CLDN20: variants seen among roughly 807,000 people sequenced by gnomAD.
CLDN20 encodes claudin 20.
For missense variants in CLDN20, 258 were observed against 267.9 expected (o/e 0.96, Z 0.26); for synonymous variants, 104 against 103.6 (o/e 1.00, Z -0.03).
intron 1 of CLDN20, among the ~76,000 whole-genome samples, chr6:155,270,042 A>T (rs1784851030): frequency 6.6e-6 from 1 of 152,228 alleles, no homozygotes. Flanking sequence ...TCAGAGGTGG[A>T]AGGTTCTTGT....
Position 155,275,924 on chromosome 6 carries a change from T to G in CLDN20, c.205T>G (p.Ser69Ala). The change falls in exon 2 of 2, where the codon TCC (serine) becomes GCC (alanine). Residue 69 changes from serine to alanine, a missense_variant. By Grantham distance (99) the Ser-to-Ala change is moderately conservative. Transcript: ENST00000367165. ...TGMFSCALKH[S>A]ILSLPIHVQA... ...GATGTTCAGCTGTGCCCTGAAACACTCCATTCTGTCCCTCCCCATCCACGT... is the reference window on the plus strand; with the variant it reads ...GATGTTCAGCTGTGCCCTGAAACACGCCATTCTGTCCCTCCCCATCCACGT... The G allele has an allele frequency of 6.2e-7, 1 of 1,614,032 alleles. No individual in the cohort carries two copies. The highest frequency in any genetic ancestry group is 8.5e-7 in the Non-Finnish European group (1 of 1,180,000).
intron 1 of CLDN20, among the ~76,000 whole-genome samples, chr6:155,268,922 G>A (rs1380264681): frequency 8.4e-6 from 1 of 119,592 alleles, no homozygotes; most frequent in African/African-American, 3.2e-5. Context: ...CCCCCTCTGC[G>A]AGAAACACCC....
chr6:155,266,499 CA>C (rs1247689913), intron 1 of CLDN20, among the ~76,000 whole-genome samples: 3 of 152,096 alleles, frequency 2.0e-5, no homozygotes, highest in Non-Finnish European at 2.9e-5. Flanking sequence ...TACAGCTCAC[CA>C]GGGGGGATGA....
Position 155,276,458 on chromosome 6 carries a change from C to T in CLDN20, c.*79C>T. 1.6e-6 allele frequency: 2 copies of T among 1,266,498 alleles called. No individual in the cohort carries two copies. Among genetic ancestry groups the T allele is most frequent in the Non-Finnish European group, 2.2e-6 (2 of 916,300 alleles). The allele number at this position is 1,266,498 out of a possible 1,614,324, so 78.5% of individuals were successfully genotyped here. On this transcript the variant is annotated 3_prime_UTR_variant, in exon 2 of 2. Coordinates refer to ENST00000367165, the MANE Select transcript of CLDN20 (RefSeq NM_001001346.3). ...AGATTAAAAAAAAATCAGAATTATG[C>T]TTAACTTTCCCTACAAAGAAAGTAG...
chr6:155,276,363 T>C lies in CLDN20; in HGVS notation c.644T>C (p.Leu215Pro), dbSNP rs575498275. Reference protein sequence around the residue: ...TQLENNSTHNLKDYV With the variant: ...TQLENNSTHNPKDYV Reference sequence around the variant, plus strand: ...CTCGAGAACAATTCCACACACAATCTGAAGGATTATGTGTAAATAACTGAG... The same window carrying C: ...CTCGAGAACAATTCCACACACAATCCGAAGGATTATGTGTAAATAACTGAG... Residue 215 changes from leucine to proline, a missense_variant, in exon 2 of 2, where the codon CTG (leucine) becomes CCG (proline). By Grantham distance (98) the Leu-to-Pro change is moderately conservative. Transcript: ENST00000367165. 15 of 1,612,724 alleles carry C rather than the reference T, an allele frequency of 9.3e-6. No homozygotes were observed. In the East Asian group the frequency reaches 3.3e-4, roughly 36 times the overall value.
chr6:155,274,744 T>A (rs1785089374), intron 1 of CLDN20, among the ~76,000 whole-genome samples: 1 of 152,242 alleles, frequency 6.6e-6, no homozygotes, highest in Admixed American at 6.5e-5. Context: ...TTTCCACTGC[T>A]GTCCTTCCTC....
intron 1 of CLDN20, among the ~76,000 whole-genome samples, chr6:155,270,131 C>A (rs920479333): frequency 2.0e-5 from 3 of 152,206 alleles, no homozygotes; most frequent in African/African-American, 7.2e-5. Flanking sequence ...CTTTTAAGAT[C>A]TCAGGCGGCC....
intron 1 of CLDN20, among the ~76,000 whole-genome samples, chr6:155,265,193 C>T (rs1452285101): frequency 6.6e-6 from 1 of 152,140 alleles, no homozygotes; most frequent in Non-Finnish European, 1.5e-5. Flanking sequence ...GCTGCCCAGC[C>T]GGGCCATGGG....
At chr6:155,266,152 A>G (rs1013936024) in intron 1 of CLDN20, among the ~76,000 whole-genome samples, 1 of 152,140 alleles carries the variant, frequency 6.6e-6, no homozygotes, top group Non-Finnish European at 1.5e-5. Context: ...GTATCCTTCA[A>G]TCCAATCAAG....
chr6:155,271,233 A>G (rs1039096516), intron 1 of CLDN20, among the ~76,000 whole-genome samples: 3 of 152,228 alleles, frequency 2.0e-5, no homozygotes, highest in African/African-American at 7.2e-5. Flanking sequence ...CTATGAATTT[A>G]TAGCTTGTAG....
chr6:155,265,230 G>T (rs1198475515), intron 1 of CLDN20, among the ~76,000 whole-genome samples: 1 of 152,158 alleles, frequency 6.6e-6, no homozygotes, highest in East Asian at 1.9e-4. Flanking sequence ...CAACTGCCAG[G>T]GTCTGGACCC....
In CLDN20 at chr6:155,275,962, A is replaced by G. The variant is rs1436022745; in HGVS notation, c.243A>G (p.Arg81=). Residue 81 remains arginine, a synonymous_variant, in exon 2 of 2, where the codon AGA becomes AGG. Transcript: ENST00000367165. ...TCCCCATCCACGTGCAGGCTGCGAG[A>G]GCCACCATGGTCCTGGCGTGTGTTC... ...LSLPIHVQAA[R]ATMVLACVLS... 3 of 1,614,156 alleles carry G rather than the reference A, an allele frequency of 1.9e-6. No homozygotes were observed. Among genetic ancestry groups the G allele is most frequent in the Admixed American group, 1.7e-5 (1 of 60,014 alleles).
chr6:155,272,574 G>C (rs142006813), intron 1 of CLDN20, among the ~76,000 whole-genome samples: 375 of 152,042 alleles, frequency 2.5e-3, no homozygotes, highest in African/African-American at 8.5e-3. Context: ...CTACGAGATA[G>C]AAATTTTGAG....
chr6:155,268,946 TAAAAAAA>T (rs1204779447), intron 1 of CLDN20, among the ~76,000 whole-genome samples: 10 of 46,484 alleles, frequency 2.2e-4, no homozygotes, highest in Admixed American at 6.6e-4. Context: ...AATGATCAAT[TAAAAAAA>T]AAAAAAAGAA....
At chr6:155,273,653 A>AG (rs760843898) in intron 1 of CLDN20, among the ~76,000 whole-genome samples, 9 of 152,146 alleles carry the variant, frequency 5.9e-5, no homozygotes, top group Admixed American at 2.0e-4. Context: ...GGAAACACAC[A>AG]GGGGGAGAAA....
chr6:155,271,749 C>T (rs890823617), intron 1 of CLDN20, among the ~76,000 whole-genome samples: 2 of 152,100 alleles, frequency 1.3e-5, no homozygotes, highest in African/African-American at 4.8e-5. Flanking sequence ...TATCTTTCAA[C>T]ATAGAGAAAA....
chr6:155,266,846 CAAAAAAA>C (rs1213939199), intron 1 of CLDN20, among the ~76,000 whole-genome samples: 4 of 62,832 alleles, frequency 6.4e-5, no homozygotes, highest in African/African-American at 6.2e-5. Flanking sequence ...GACTCCGTCT[CAAAAAAA>C]AAAAAAAAAA....
intron 1 of CLDN20, among the ~76,000 whole-genome samples, chr6:155,268,338 GCCA>G (rs1430587212): frequency 6.6e-6 from 1 of 152,124 alleles, no homozygotes; most frequent in Non-Finnish European, 1.5e-5. Context: ...GAAAATGTCA[GCCA>G]CCAAAGTGTT....
At chr6:155,266,902 T>C (rs1784667907) in intron 1 of CLDN20, among the ~76,000 whole-genome samples, 1 of 142,158 alleles carries the variant, frequency 7.0e-6, no homozygotes, top group Non-Finnish European at 1.5e-5. Context: ...TTCTGGAAAG[T>C]GAGACATTAA....
Sources: gnomAD v4.1 joint callset for allele counts (sites outside exome capture counted in the v4.1 genomes callset) on GRCh38, gnomAD v4.1.1 for gene constraint, MANE v1.5 for transcripts, NCBI Gene and HGNC (gene_info 2026-07-23, HGNC 2026-07-21) for gene names.